Variants in AFG2A observed in about 807,000 individuals in gnomAD.
AFG2A encodes AAA ATPase AFG2A.
chr4:123,153,806 GA>G, the AFG2A span, among the ~76,000 whole-genome samples: 3 of 151,704 alleles, frequency 2.0e-5, no homozygotes, highest in Non-Finnish European at 4.4e-5. Context: ...CAGTCAAATG[GA>G]AAAAGAAAAA....
the AFG2A span, among the ~76,000 whole-genome samples, chr4:123,300,258 T>G: frequency 1.3e-5 from 2 of 152,212 alleles, no homozygotes; most frequent in Non-Finnish European, 2.9e-5. Context: ...TTTCAAAACC[T>G]AAATCATCTT....
At chr4:123,064,513 A>T in the AFG2A span, among the ~76,000 whole-genome samples, 7 of 152,326 alleles carry the variant, frequency 4.6e-5, no homozygotes, top group African/African-American at 1.7e-4. Context: ...TGACTAGCTT[A>T]CATTTTTACC....
At chr4:123,260,237 G>C in the AFG2A span, 5 of 152,126 alleles carry the variant, frequency 3.3e-5, no homozygotes, top group Non-Finnish European at 7.4e-5. Flanking sequence ...TCTTTTTAAA[G>C]CAATTCATTA....
At chr4:123,013,505 C>CA in the AFG2A span, among the ~76,000 whole-genome samples, 6 of 151,992 alleles carry the variant, frequency 3.9e-5, no homozygotes, top group Admixed American at 6.6e-5. Flanking sequence ...AACAGAAAAC[C>CA]AAACACTGCA....
the AFG2A span, among the ~76,000 whole-genome samples, chr4:123,230,608 C>G: frequency 6.6e-6 from 1 of 151,926 alleles, no homozygotes; most frequent in Non-Finnish European, 1.5e-5. Context: ...CATGAATTGA[C>G]CTTCTCCCCT....
At chr4:123,307,671 A>G in the AFG2A span, among the ~76,000 whole-genome samples, 140 of 152,372 alleles carry the variant, frequency 9.2e-4, no homozygotes, top group African/African-American at 3.1e-3. Flanking sequence ...ATTCCATTCT[A>G]ATTCTCCAAA....
At chr4:122,945,633 C>T in the AFG2A span, among the ~76,000 whole-genome samples, 2 of 152,218 alleles carry the variant, frequency 1.3e-5, no homozygotes, top group Non-Finnish European at 2.9e-5. Context: ...TCGGCTCGCA[C>T]ACGGTGCGCT....
chr4:123,029,454 G>C, the AFG2A span, among the ~76,000 whole-genome samples: 2 of 152,126 alleles, frequency 1.3e-5, no homozygotes, highest in Admixed American at 6.6e-5. Context: ...TCAACTTTTG[G>C]CTTTACTTAA....
chr4:123,110,696 C>T, the AFG2A span, among the ~76,000 whole-genome samples: 1 of 152,194 alleles, frequency 6.6e-6, no homozygotes, highest in African/African-American at 2.4e-5. Flanking sequence ...ATACCAGGCA[C>T]AGCACACCGT....
the AFG2A span, among the ~76,000 whole-genome samples, chr4:122,924,383 T>C: frequency 6.6e-6 from 1 of 152,206 alleles, no homozygotes; most frequent in East Asian, 1.9e-4. Context: ...CATCATTCCA[T>C]GGAAACTGTT....
At chr4:123,096,356 G>C in the AFG2A span, among the ~76,000 whole-genome samples, 1 of 152,156 alleles carries the variant, frequency 6.6e-6, no homozygotes, top group Admixed American at 6.5e-5. Context: ...AGCATCAGGA[G>C]AGTTTAGAAA....
chr4:123,133,553 T>C, the AFG2A span, among the ~76,000 whole-genome samples: 5 of 152,132 alleles, frequency 3.3e-5, no homozygotes, highest in African/African-American at 4.8e-5. Flanking sequence ...ATATATTTTT[T>C]GTTTGAGTTT....
chr4:122,954,511 C>A, the AFG2A span, among the ~76,000 whole-genome samples: 1 of 152,192 alleles, frequency 6.6e-6, no homozygotes. Context: ...CTAGAGCTCT[C>A]CACTGGGTCC....
chr4:123,136,407 C>T, the AFG2A span, among the ~76,000 whole-genome samples: 1 of 151,270 alleles, frequency 6.6e-6, no homozygotes. Flanking sequence ...GGTGGCTCAC[C>T]CCTATAATCC....
the AFG2A span, among the ~76,000 whole-genome samples, chr4:123,196,563 C>T: frequency 1.3e-5 from 2 of 151,976 alleles, no homozygotes; most frequent in African/African-American, 4.8e-5. Flanking sequence ...ACCATTACTT[C>T]TGAATATTAA....
At chr4:123,248,343 T>C in the AFG2A span, among the ~76,000 whole-genome samples, 5 of 152,342 alleles carry the variant, frequency 3.3e-5, no homozygotes, top group South Asian at 4.1e-4. Context: ...AAAGTCATTC[T>C]TCTCCCAGTG....
the AFG2A span, among the ~76,000 whole-genome samples, chr4:123,291,361 T>C: frequency 3.3e-5 from 5 of 152,326 alleles, no homozygotes; most frequent in African/African-American, 9.6e-5. Flanking sequence ...CTAATGATCA[T>C]TTTGATTGTT....
At chr4:122,997,180 A>C in the AFG2A span, among the ~76,000 whole-genome samples, 93 of 152,320 alleles carry the variant, frequency 6.1e-4, no homozygotes, top group Non-Finnish European at 1.2e-3. Context: ...TTCACATACC[A>C]AACAATTTAT....
the AFG2A span, among the ~76,000 whole-genome samples, chr4:123,190,937 C>T: frequency 2.6e-5 from 4 of 152,264 alleles, no homozygotes; most frequent in South Asian, 8.3e-4. Flanking sequence ...TTGCCTGGAA[C>T]AGTGTAGAGA....
Sources: allele counts gnomAD v4.1 joint callset (sites outside exome capture counted in the v4.1 genomes callset), GRCh38; gene constraint gnomAD v4.1.1; transcripts MANE v1.5; gene names NCBI Gene and HGNC (gene_info 2026-07-23, HGNC 2026-07-21).